Variants in CNTLN observed in about 807,000 individuals in gnomAD.
CNTLN encodes the protein centlein, also known as centlein, centrosomal protein.
Under a neutral mutation model 180.0 loss-of-function variants are expected in CNTLN, and 212 were observed. The observed-to-expected ratio is 1.18, with a 90% CI of 1.05 to 1.32. The LOEUF (loss-of-function observed/expected upper bound fraction) is 1.32. Ranked by LOEUF, CNTLN falls within the 40% of genes most tolerant of loss-of-function variation. CNTLN has a pLI of 0.00. For missense variants in CNTLN, 2,095 were observed against 1,610.9 expected (o/e 1.30, Z -5.14); for synonymous variants, 722 against 563.1 (o/e 1.28, Z -3.99).
chr9:17,214,065 A>G (rs147249720), intron 2 of CNTLN, among the ~76,000 whole-genome samples: 3,220 of 152,176 alleles, frequency 0.021, 112 homozygotes, highest in African/African-American at 0.074. Flanking sequence ...TTTAAGATTA[A>G]TATTGTTATG....
At chr9:17,251,494 T>G (rs773752877) in intron 5 of CNTLN, among the ~76,000 whole-genome samples, 1 of 151,926 alleles carries the variant, frequency 6.6e-6, no homozygotes, top group Non-Finnish European at 1.5e-5. Context: ...AGTTATCTAA[T>G]TACTTTTTGT....
chr9:17,524,366 G>T, the CNTLN span, among the ~76,000 whole-genome samples: 1 of 152,198 alleles, frequency 6.6e-6, no homozygotes, highest in African/African-American at 2.4e-5. Context: ...GAAGACTGAT[G>T]TCCCAGCTCA....
At chr9:17,223,565 A>G (rs1026523710) in intron 2 of CNTLN, among the ~76,000 whole-genome samples, 1 of 152,000 alleles carries the variant, frequency 6.6e-6, no homozygotes, top group Non-Finnish European at 1.5e-5. Flanking sequence ...AAATCCTGTT[A>G]GCTCTACCTT....
chr9:17,267,650 A>T (rs889713423), intron 5 of CNTLN, among the ~76,000 whole-genome samples: 4 of 152,014 alleles, frequency 2.6e-5, no homozygotes, highest in East Asian at 1.9e-4. Context: ...ACTTGGTTCC[A>T]TTCTCCCCGA....
Position 17,502,896 on chromosome 9 carries a change from A to G in CNTLN, c.*244A>G. The G allele has an allele frequency of 9.2e-6, 2 of 216,620 alleles. No individual in the cohort carries two copies. The highest frequency in any genetic ancestry group is 1.8e-5 in the Non-Finnish European group (2 of 111,092). 13.4% of individuals were successfully genotyped at this position (216,620 alleles called of 1,614,324 possible). ...TACAAATATTGCCACAAATCAGTGC[A>G]AACTTAAAAATGATTTTCCTTCTAG... On this transcript the variant is annotated 3_prime_UTR_variant, in exon 26 of 26. Coordinates refer to ENST00000380647, the MANE Select transcript of CNTLN (RefSeq NM_017738.4).
intron 6 of CNTLN, among the ~76,000 whole-genome samples, chr9:17,283,134 G>A (rs7042230): frequency 0.23 from 34,816 of 152,054 alleles, 4,230 homozygotes; most frequent in South Asian, 0.36. Flanking sequence ...GAATGTTAAT[G>A]GTAGTTTAAT....
intron 18 of CNTLN, among the ~76,000 whole-genome samples, chr9:17,443,146 G>C (rs562661775): frequency 1.3e-5 from 2 of 152,138 alleles, no homozygotes; most frequent in African/African-American, 4.8e-5. Flanking sequence ...CTTTGATGTT[G>C]TACTTGAGTA....
chr9:17,179,261 A>AAAAAAAAAAAAAAAG (rs762439606), intron 2 of CNTLN, among the ~76,000 whole-genome samples: 1 of 138,674 alleles, frequency 7.2e-6, no homozygotes, highest in Admixed American at 7.1e-5. Context: ...AAAAAAAAAA[A>AAAAAAAAAAAAAAAG]AAGAAGAAGT....
In CNTLN at chr9:17,226,185, T is replaced by C. The variant is rs1411253328; in HGVS notation, c.450-18T>C. The C allele has an allele frequency of 1.5e-6, 2 of 1,372,736 alleles. No homozygotes were observed. Among genetic ancestry groups the C allele is most frequent in the Non-Finnish European group, 2.0e-6 (2 of 991,080 alleles). 85.0% of individuals were successfully genotyped at this position (1,372,736 alleles called of 1,614,324 possible). On this transcript the variant is annotated intron_variant, in intron 2 of 25. Coordinates refer to ENST00000380647, the MANE Select transcript of CNTLN (RefSeq NM_017738.4). ...GCTACCAGTTATGACTAATAAACTC[T>C]CTATATTTTATATCTAGAGAAAAAC...
intron 12 of CNTLN, 45 bp from the exon 13 acceptor site, chr9:17,366,572 A>G (rs1294720231): frequency 1.1e-6 from 1 of 945,320 alleles, no homozygotes; most frequent in Non-Finnish European, 1.6e-6. Flanking sequence ...ATTTTTTTAA[A>G]TAAAACAATA....
rs546991345 is a variant in CNTLN, at chr9:17,335,208, C to T, written c.1644+2478C>T. Among the ~76,000 whole-genome samples, 10 of 152,240 alleles carry T rather than the reference C, an allele frequency of 6.6e-5. No individual in the cohort carries two copies. The South Asian group carries it at 2.1e-3, about 32-fold the overall frequency. The stretch of plus-strand genomic sequence containing the variant: ...TTATTCTCATCTAGGAACCTTTGTT[C>T]AAACCTGAAGATTAGATAAAAAATT... On this transcript the variant is annotated intron_variant, in intron 10 of 25. Transcript: ENST00000380647.
intron 6 of CNTLN, among the ~76,000 whole-genome samples, chr9:17,297,797 T>C (rs1420568134): frequency 6.6e-6 from 1 of 152,244 alleles, no homozygotes; most frequent in Non-Finnish European, 1.5e-5. Flanking sequence ...TTTAAAGTTC[T>C]GTATAGTAAT....
At chr9:17,497,814 A>C (rs892196561) in intron 25 of CNTLN, among the ~76,000 whole-genome samples, 1 of 152,172 alleles carries the variant, frequency 6.6e-6, no homozygotes, top group Non-Finnish European at 1.5e-5. Context: ...TGATTATTTT[A>C]ACAAGTTCAG....
chr9:17,357,573 A>T (rs2133353840), intron 12 of CNTLN, among the ~76,000 whole-genome samples: 1 of 137,654 alleles, frequency 7.3e-6, no homozygotes, highest in African/African-American at 2.6e-5. Context: ...ATATATATAA[A>T]TACTACATAT....
Position 17,290,456 on chromosome 9 carries a change from CT to C in CNTLN, c.984-7729del, listed in dbSNP as rs1388552597. Among the ~76,000 whole-genome samples, 4 of 148,328 alleles carry C rather than the reference CT, an allele frequency of 2.7e-5. No homozygotes were observed. The Admixed American group carries it at 2.7e-4, about 10-fold the overall frequency. ...TTAAGTCTGCAGAGGTTACTGCTGT[CT>C]TTTTGTTTGTCTGTGCCCTGCCCCC... is the stretch of plus-strand genomic sequence containing the variant. On this transcript the variant is annotated intron_variant, in intron 6 of 25. Transcript: ENST00000380647.
chr9:17,403,162 C>G (rs1300505232), intron 15 of CNTLN, among the ~76,000 whole-genome samples: 3 of 151,602 alleles, frequency 2.0e-5, no homozygotes, highest in Non-Finnish European at 4.4e-5. Flanking sequence ...GTGGATGGAC[C>G]TTTTGGAAGA....
At chr9:17,136,253 C>G (rs1032515083) in intron 1 of CNTLN, among the ~76,000 whole-genome samples, 1 of 152,170 alleles carries the variant, frequency 6.6e-6, no homozygotes, top group Non-Finnish European at 1.5e-5. Flanking sequence ...AACAGTAGAT[C>G]TTTAAGTCAC....
chr9:17,382,348 A>G (rs1181883407), intron 13 of CNTLN, among the ~76,000 whole-genome samples: 1 of 152,214 alleles, frequency 6.6e-6, no homozygotes, highest in East Asian at 1.9e-4. Flanking sequence ...TGTTGGATAC[A>G]TACCAAAAAG....
At chr9:17,527,466 A>T in the CNTLN span, among the ~76,000 whole-genome samples, 8 of 152,344 alleles carry the variant, frequency 5.3e-5, no homozygotes, top group East Asian at 1.5e-3. Flanking sequence ...CCCATGGAGT[A>T]CACACTGACA....
Sources: gnomAD v4.1 joint callset for allele counts (sites outside exome capture counted in the v4.1 genomes callset) on GRCh38, gnomAD v4.1.1 for gene constraint, MANE v1.5 for transcripts, NCBI Gene and HGNC (gene_info 2026-07-23, HGNC 2026-07-21) for gene names.